The following CORIN variants were observed in gnomAD, a reference collection of about 807,000 sequenced individuals.
CORIN encodes atrial natriuretic peptide-converting enzyme.
In CORIN, 117 loss-of-function variants were observed where a neutral mutation model predicts 125.3. The ratio of observed to expected loss-of-function variants is 0.93; its 90% CI spans 0.80 to 1.09. The LOEUF (loss-of-function observed/expected upper bound fraction) is 1.09. Ranked by LOEUF, CORIN falls within the 50% of genes least tolerant of loss-of-function variation. The pLI is 0.00. For missense variants in CORIN, 1,253 were observed against 1,306.7 expected (o/e 0.96, Z 0.63); for synonymous variants, 450 against 466.4 (o/e 0.96, Z 0.45).
chr4:47,817,019 G>C (rs1472917613), intron 1 of CORIN, among the ~76,000 whole-genome samples: 1 of 152,138 alleles, frequency 6.6e-6, no homozygotes, highest in East Asian at 1.9e-4. Context: ...ACAAGGCACA[G>C]CCCTAAGTAA....
intron 3 of CORIN, among the ~76,000 whole-genome samples, chr4:47,765,972 T>C (rs1729713971): frequency 6.6e-6 from 1 of 152,234 alleles, no homozygotes; most frequent in African/African-American, 2.4e-5. Context: ...CTAACAACTA[T>C]ATAATCATTT....
At chr4:47,725,060 A>C (rs953916649) in intron 5 of CORIN, among the ~76,000 whole-genome samples, 3 of 152,200 alleles carry the variant, frequency 2.0e-5, no homozygotes, top group African/African-American at 7.2e-5. Context: ...TAGCTCTCAA[A>C]GTATCTAACA....
chr4:47,596,774 A>G (rs7663234), intron 21 of CORIN, among the ~76,000 whole-genome samples: 6,639 of 152,288 alleles, frequency 0.044, 507 homozygotes, highest in African/African-American at 0.15. Flanking sequence ...AAGCATATCT[A>G]TGGTCTTCCT....
intron 19 of CORIN, among the ~76,000 whole-genome samples, chr4:47,622,565 C>T (rs983113045): frequency 3.3e-5 from 5 of 151,864 alleles, no homozygotes; most frequent in African/African-American, 1.2e-4. Context: ...GATGGTATCT[C>T]ATTGTGGTTG....
At chr4:47,705,591 C>T (rs61762893) in intron 5 of CORIN, among the ~76,000 whole-genome samples, 1 of 152,264 alleles carries the variant, frequency 6.6e-6, no homozygotes, top group South Asian at 2.1e-4. Context: ...CTGATTTCGA[C>T]GTGGCCATAG....
chr4:47,806,875 A>ATTTT (rs1407739763), intron 2 of CORIN, 28 bp downstream of exon 2: 3 of 1,587,724 alleles, frequency 1.9e-6, no homozygotes, highest in Admixed American at 3.7e-5. Flanking sequence ...CTTTAACTTC[A>ATTTT]TTTTTATTTA....
At chr4:47,697,469 T>G (rs1041065845) in intron 5 of CORIN, among the ~76,000 whole-genome samples, 4 of 152,086 alleles carry the variant, frequency 2.6e-5, no homozygotes, top group African/African-American at 7.2e-5. Context: ...ATCCCAGCAC[T>G]TTGGAAGGCC....
intron 2 of CORIN, among the ~76,000 whole-genome samples, chr4:47,806,155 T>C (rs1731786659): frequency 6.6e-6 from 1 of 152,156 alleles, no homozygotes; most frequent in Non-Finnish European, 1.5e-5. Context: ...TTTAAGATTT[T>C]TTTTTTTAAT....
chr4:47,775,623 C>A (rs1730263971), intron 3 of CORIN, among the ~76,000 whole-genome samples: 1 of 152,094 alleles, frequency 6.6e-6, no homozygotes, highest in South Asian at 2.1e-4. Flanking sequence ...ATGCTTTAAA[C>A]AGATCTTCAG....
At chr4:47,827,964 G>A (rs979633756) in intron 1 of CORIN, among the ~76,000 whole-genome samples, 5 of 152,182 alleles carry the variant, frequency 3.3e-5, no homozygotes, top group Non-Finnish European at 7.3e-5. Context: ...AGAGAAACCA[G>A]AGCTATGGTA....
chr4:47,758,274 A>G (rs1298749608), intron 4 of CORIN, among the ~76,000 whole-genome samples: 2 of 152,034 alleles, frequency 1.3e-5, no homozygotes, highest in Non-Finnish European at 2.9e-5. Flanking sequence ...ACTTTGGAAT[A>G]AACAAGGAAG....
At chr4:47,690,481 C>G (rs1172624251) in intron 6 of CORIN, among the ~76,000 whole-genome samples, 1 of 152,152 alleles carries the variant, frequency 6.6e-6, no homozygotes, top group East Asian at 1.9e-4. Flanking sequence ...TTCCTTTGAA[C>G]CTGACTAAAA....
chr4:47,721,306 G>A (rs1033413614), intron 5 of CORIN, among the ~76,000 whole-genome samples: 5 of 149,986 alleles, frequency 3.3e-5, no homozygotes, highest in African/African-American at 1.2e-4. Context: ...GTCTTGCTCT[G>A]TCACCCAGGC....
chr4:47,597,896 A>C (rs1378690020), intron 21 of CORIN, among the ~76,000 whole-genome samples: 2 of 152,202 alleles, frequency 1.3e-5, no homozygotes, highest in Non-Finnish European at 1.5e-5. Flanking sequence ...AACAAGGATA[A>C]CCACATGAAA....
chr4:47,828,435 G>A (rs1424908461), intron 1 of CORIN, among the ~76,000 whole-genome samples: 5 of 152,146 alleles, frequency 3.3e-5, no homozygotes, highest in Non-Finnish European at 7.4e-5. Flanking sequence ...ATGCCTGTGT[G>A]ATGAACAAAA....
rs114332414 is a variant in CORIN at position 47,636,554 on chromosome 4, A to G, written c.2198+5366T>C. Among the ~76,000 whole-genome samples, 717 of 152,242 alleles carry G rather than the reference A, an allele frequency of 4.7e-3. 3 individuals are homozygous for G. The highest frequency in any genetic ancestry group is 0.016 in the African/African-American group (672 of 41,534). On this transcript the variant is annotated intron_variant, in intron 16 of 21. Transcript: ENST00000273857. ...CATGTCATGGGAGGAAACTGGTAGG[A>G]GGTGATTGAATTATGGGGGTGGGTC...
chr4:47,826,043 A>C (rs1231075619), intron 1 of CORIN, among the ~76,000 whole-genome samples: 2 of 152,120 alleles, frequency 1.3e-5, no homozygotes, highest in East Asian at 3.8e-4. Flanking sequence ...CCCTAATAAG[A>C]AAACCTCCTT....
At chr4:47,827,152 C>T (rs969806802) in intron 1 of CORIN, among the ~76,000 whole-genome samples, 2 of 152,076 alleles carry the variant, frequency 1.3e-5, no homozygotes, top group Admixed American at 6.6e-5. Context: ...GGCAGGGTGA[C>T]ATTAACTTTC....
chr4:47,795,888 C>T (rs1296970905), intron 2 of CORIN, among the ~76,000 whole-genome samples: 8 of 151,858 alleles, frequency 5.3e-5, no homozygotes, highest in Middle Eastern at 3.4e-3. Flanking sequence ...TAGTCATTAG[C>T]GAAATGCAAA....
Sources: allele counts gnomAD v4.1 joint callset (sites outside exome capture counted in the v4.1 genomes callset), GRCh38; gene constraint gnomAD v4.1.1; transcripts MANE v1.5; gene names NCBI Gene and HGNC (gene_info 2026-07-23, HGNC 2026-07-21).